The following LRRC4C variants were observed in gnomAD, a reference collection of about 807,000 sequenced individuals.
LRRC4C encodes the protein leucine rich repeat containing 4C.
A neutral mutation model predicts 33.6 loss-of-function variants in LRRC4C; 5 were observed. That is an observed-to-expected ratio of 0.15 (90% CI 0.08 to 0.31). The LOEUF (loss-of-function observed/expected upper bound fraction) is 0.31. LRRC4C is among the 10% of genes least tolerant of loss of function. The pLI is 1.00. For missense variants in LRRC4C, 560 were observed against 796.7 expected, an observed-to-expected ratio of 0.70 and a Z score of 3.58; for synonymous variants, 329 against 302.0, an observed-to-expected ratio of 1.09 and a Z score of -0.93.
intron 3 of LRRC4C, among the ~76,000 whole-genome samples, chr11:40,466,180 CAT>C (rs1952642107): frequency 6.6e-6 from 1 of 152,048 alleles, no homozygotes. Flanking sequence ...TCAAATACCA[CAT>C]GTTCTCACTT....
At chr11:41,127,252 AGAGTT>A (rs547769437) in intron 1 of LRRC4C, among the ~76,000 whole-genome samples, 19 of 142,282 alleles carry the variant, frequency 1.3e-4, no homozygotes, top group Admixed American at 3.0e-4. Flanking sequence ...GAAAAAGACT[AGAGTT>A]TTTTTTTTTT....
chr11:40,826,965 A>G (rs1441155906), intron 2 of LRRC4C, among the ~76,000 whole-genome samples: 1 of 152,028 alleles, frequency 6.6e-6, no homozygotes, highest in Non-Finnish European at 1.5e-5. Context: ...CTTTGAAAAC[A>G]CTACAAATTC....
At chr11:40,808,724 G>C (rs1450260686) in intron 2 of LRRC4C, among the ~76,000 whole-genome samples, 1 of 152,038 alleles carries the variant, frequency 6.6e-6, no homozygotes, top group Non-Finnish European at 1.5e-5. Flanking sequence ...TTAAATAGCT[G>C]TTTCATACTT....
At chr11:40,965,722 G>T (rs1282730116) in intron 1 of LRRC4C, among the ~76,000 whole-genome samples, 2 of 151,950 alleles carry the variant, frequency 1.3e-5, no homozygotes, top group Non-Finnish European at 2.9e-5. Context: ...TGTTCCATTG[G>T]TCTATATCTC....
At chr11:40,319,280 C>T (rs969897721) in intron 4 of LRRC4C, among the ~76,000 whole-genome samples, 2 of 152,094 alleles carry the variant, frequency 1.3e-5, no homozygotes, top group African/African-American at 4.8e-5. Flanking sequence ...TTCTCTTCCC[C>T]TTCATCTTTA....
chr11:40,504,250 C>T (rs571716831), intron 3 of LRRC4C, among the ~76,000 whole-genome samples: 1 of 151,948 alleles, frequency 6.6e-6, no homozygotes, highest in African/African-American at 2.4e-5. Flanking sequence ...GTATGAATAG[C>T]TGAATGAAAG....
chr11:41,067,884 T>A (rs1938375158), intron 1 of LRRC4C, among the ~76,000 whole-genome samples: 1 of 152,108 alleles, frequency 6.6e-6, no homozygotes, highest in Admixed American at 6.5e-5. Flanking sequence ...CGTACTAGAA[T>A]CTCTGGCACA....
chr11:41,018,043 T>G (rs2137627974), intron 1 of LRRC4C, among the ~76,000 whole-genome samples: 1 of 145,846 alleles, frequency 6.9e-6, no homozygotes, highest in East Asian at 2.0e-4. Context: ...CTACAATGTT[T>G]TCTCAAAGAT....
chr11:41,270,059 A>C lies in LRRC4C; in HGVS notation c.-496+189372T>G, dbSNP rs1591115802. Among the ~76,000 whole-genome samples the C allele has an allele frequency of 3.3e-5, 5 of 152,224 alleles. No individual in the cohort carries two copies. In the East Asian group the frequency reaches 9.7e-4, roughly 29 times the overall value. ...TCAGCTGTTTCTTCTTTAAAATGTA[A>C]TTAGTAATATCTATTTTTACAGAAT... On this transcript the variant is annotated intron_variant, in intron 1 of 6. Transcript: ENST00000528697.
At chr11:41,360,253 C>T (rs1475251079) in intron 1 of LRRC4C, among the ~76,000 whole-genome samples, 3 of 152,112 alleles carry the variant, frequency 2.0e-5, no homozygotes, top group African/African-American at 4.8e-5. Context: ...CCATCCCGGA[C>T]ACCTCAAAGC....
intron 1 of LRRC4C, among the ~76,000 whole-genome samples, chr11:41,377,069 T>C (rs958365607): frequency 1.3e-5 from 2 of 152,224 alleles, no homozygotes; most frequent in Non-Finnish European, 2.9e-5. Context: ...AATGCTCATA[T>C]GATATATGCA....
intron 2 of LRRC4C, among the ~76,000 whole-genome samples, chr11:40,789,288 T>C (rs1039389631): frequency 2.0e-5 from 3 of 152,002 alleles, no homozygotes; most frequent in African/African-American, 7.3e-5. Flanking sequence ...ATAGTGTTAT[T>C]TCAGGTAAGA....
intron 1 of LRRC4C, among the ~76,000 whole-genome samples, chr11:41,350,757 A>G (rs1056232120): frequency 6.6e-6 from 1 of 152,206 alleles, no homozygotes; most frequent in African/African-American, 2.4e-5. Flanking sequence ...GTCATAGAAC[A>G]TCAGAAGACA....
intron 1 of LRRC4C, among the ~76,000 whole-genome samples, chr11:41,207,528 C>T (rs1038146455): frequency 2.6e-5 from 4 of 152,108 alleles, no homozygotes; most frequent in Non-Finnish European, 5.9e-5. Context: ...TTTCAAAGGA[C>T]TAGTGTCTTT....
chr11:40,943,754 A>G (rs978975970), intron 1 of LRRC4C, among the ~76,000 whole-genome samples: 4 of 152,186 alleles, frequency 2.6e-5, no homozygotes, highest in African/African-American at 7.2e-5. Flanking sequence ...TAGTCTCTTC[A>G]TTCTTATGTG....
chr11:40,640,047 C>T (rs977709262), intron 3 of LRRC4C, among the ~76,000 whole-genome samples: 1 of 152,008 alleles, frequency 6.6e-6, no homozygotes, highest in Admixed American at 6.6e-5. Context: ...CAGTTGGCTA[C>T]CTATCACTTC....
intron 3 of LRRC4C, among the ~76,000 whole-genome samples, chr11:40,630,053 T>A (rs998708342): frequency 6.6e-6 from 1 of 152,070 alleles, no homozygotes; most frequent in African/African-American, 2.4e-5. Flanking sequence ...ATCTCCAATA[T>A]CATAAAATAA....
chr11:40,971,800 T>G (rs1851745801), intron 1 of LRRC4C, among the ~76,000 whole-genome samples: 1 of 152,164 alleles, frequency 6.6e-6, no homozygotes, highest in East Asian at 1.9e-4. Context: ...CCCAAAGCCA[T>G]AGGAGCCCAC....
chr11:40,785,585 A>G (rs1172293080), intron 2 of LRRC4C, among the ~76,000 whole-genome samples: 1 of 152,216 alleles, frequency 6.6e-6, no homozygotes, highest in Non-Finnish European at 1.5e-5. Context: ...ATACATAGGA[A>G]TCAGACACTA....
Sources: allele counts gnomAD v4.1 joint callset (sites outside exome capture counted in the v4.1 genomes callset), GRCh38; gene constraint gnomAD v4.1.1; transcripts MANE v1.5; gene names NCBI Gene and HGNC (gene_info 2026-07-23, HGNC 2026-07-21).